Variants in ZBTB41 observed in about 807,000 individuals in gnomAD.
ZBTB41 encodes zinc finger and BTB domain-containing protein 41.
Under a neutral mutation model 87.6 loss-of-function variants are expected in ZBTB41, and 42 were observed. The observed-to-expected ratio is 0.48, with a 90% CI of 0.37 to 0.62. The LOEUF is 0.62. ZBTB41 is among the 20% of genes least tolerant of loss of function. The pLI, the probability that ZBTB41 is intolerant of heterozygous loss-of-function variation, is 0.00. For missense variants in ZBTB41, 799 were observed against 1,078.9 expected (o/e 0.74, Z 3.63); for synonymous variants, 364 against 364.0 (o/e 1.00, Z 0.00).
chr1:197,178,811 C>T (rs989274419), intron 6 of ZBTB41, among the ~76,000 whole-genome samples: 2 of 152,104 alleles, frequency 1.3e-5, no homozygotes, highest in Non-Finnish European at 1.5e-5. Flanking sequence ...CATTATGACA[C>T]TGAATTAAGT....
At chr1:197,177,059 G>GT in intron 7 of ZBTB41, among the ~76,000 whole-genome samples, 1 of 152,246 alleles carries the variant, frequency 6.6e-6, no homozygotes, top group Non-Finnish European at 1.5e-5. Flanking sequence ...GACAAATGAA[G>GT]TAAGTGTACA....
At chr1:197,160,087 A>C in intron 10 of ZBTB41, 73 bp from the exon 11 acceptor site, 1 of 1,211,760 alleles carries the variant, frequency 8.3e-7, no homozygotes, top group Non-Finnish European at 1.2e-6. Context: ...TTCAAGTAGC[A>C]AACTTCCAAT....
At chr1:197,194,029 T>C (rs967970792) in intron 2 of ZBTB41, among the ~76,000 whole-genome samples, 1 of 149,064 alleles carries the variant, frequency 6.7e-6, no homozygotes. Context: ...TCTTTCTTTC[T>C]TTTTTTTTTG....
intron 5 of ZBTB41, among the ~76,000 whole-genome samples, chr1:197,184,756 T>C (rs1659838997): frequency 6.6e-6 from 1 of 152,012 alleles, no homozygotes; most frequent in South Asian, 2.1e-4. Context: ...CTTAAAGACT[T>C]AATGACTAAA....
At chr1:197,164,598 C>T (rs189229514) in intron 10 of ZBTB41, among the ~76,000 whole-genome samples, 2 of 147,586 alleles carry the variant, frequency 1.4e-5, no homozygotes, top group East Asian at 3.9e-4. Flanking sequence ...AATCTTTATC[C>T]CATAATAAAG....
intron 4 of ZBTB41, among the ~76,000 whole-genome samples, chr1:197,189,291 C>T (rs1057042287): frequency 6.6e-5 from 10 of 152,132 alleles, no homozygotes; most frequent in African/African-American, 1.4e-4. Context: ...TTTGGGAGGC[C>T]GAGACGGGTA....
rs764316953 is a variant in ZBTB41, at chr1:197,199,601, A to G, written c.873T>C (p.Asp291=). The part of the protein sequence containing the change: ...NQENFDKEKS[D]RNDSEDPGSE... ...TTCCAGGGTCCTCAGAATCATTTCTATCTGACTTTTCCTTATCAAAATTTT... is the reference window on the plus strand; with the variant it reads ...TTCCAGGGTCCTCAGAATCATTTCTGTCTGACTTTTCCTTATCAAAATTTT... The change falls in exon 2 of 11, where the codon GAT becomes GAC. Residue 291 remains aspartate, a synonymous_variant. Coordinates refer to ENST00000367405, the MANE Select transcript of ZBTB41 (RefSeq NM_194314.3). 1 of 1,609,644 alleles carries G rather than the reference A, an allele frequency of 6.2e-7. No homozygotes were observed. The highest frequency in any genetic ancestry group is 8.5e-7 in the Non-Finnish European group (1 of 1,178,874).
chr1:197,194,509 T>C (rs759695186), intron 2 of ZBTB41, among the ~76,000 whole-genome samples: 2 of 151,714 alleles, frequency 1.3e-5, no homozygotes, highest in Non-Finnish European at 2.9e-5. Flanking sequence ...AAGTTACTTA[T>C]AGCTAAATAC....
rs1230800015 is a variant in ZBTB41 at position 197,199,608 on chromosome 1, T to G, written c.866A>C (p.Lys289Thr). The change falls in exon 2 of 11, where the codon AAG becomes ACG. Residue 289 changes from lysine to threonine, a missense_variant. This residue lies in a region of ZBTB41 where 294 missense variants were observed against 340.1 expected (regional missense o/e 0.86). Transcript: ENST00000367405. ...GTCCTCAGAATCATTTCTATCTGAC[T>G]TTTCCTTATCAAAATTTTCTTGATT... ...NLNQENFDKE[K>T]SDRNDSEDPG... 6.2e-7 allele frequency: 1 copy of G among 1,610,638 alleles called. No homozygotes were observed. Among genetic ancestry groups the G allele is most frequent in the Non-Finnish European group, 8.5e-7 (1 of 1,179,166 alleles).
chr1:197,186,190 T>A (rs976579235), intron 5 of ZBTB41, among the ~76,000 whole-genome samples: 4 of 151,772 alleles, frequency 2.6e-5, no homozygotes, highest in African/African-American at 9.7e-5. Flanking sequence ...TATGGTCAAC[T>A]AATCTTTCAC....
chr1:197,190,954 T>G (rs1660010930), intron 3 of ZBTB41, 123 bp from the exon 4 acceptor site: 1 of 578,638 alleles, frequency 1.7e-6, no homozygotes, highest in Non-Finnish European at 3.0e-6. Context: ...ATGAGACAAG[T>G]AGGCATAGAT....
intron 10 of ZBTB41, among the ~76,000 whole-genome samples, chr1:197,170,605 C>G (rs896359422): frequency 6.6e-6 from 1 of 152,082 alleles, no homozygotes; most frequent in African/African-American, 2.4e-5. Context: ...CTATAAATCT[C>G]AAAAATGGAC....
intron 8 of ZBTB41, among the ~76,000 whole-genome samples, chr1:197,175,529 C>T (rs1053047426): frequency 6.8e-6 from 1 of 147,606 alleles, no homozygotes. Flanking sequence ...AGGACCCAAA[C>T]ATTTTCAGAT....
chr1:197,176,888 T>G (rs1223629722), intron 7 of ZBTB41, among the ~76,000 whole-genome samples: 1 of 152,068 alleles, frequency 6.6e-6, no homozygotes, highest in African/African-American at 2.4e-5. Context: ...ATTTCAACAT[T>G]TGTATATGCT....
At chr1:197,164,657 C>G (rs1659272817) in intron 10 of ZBTB41, among the ~76,000 whole-genome samples, 1 of 141,898 alleles carries the variant, frequency 7.0e-6, no homozygotes, top group South Asian at 2.2e-4. Context: ...AAAGATATGA[C>G]TAATATATAT....
At chr1:197,193,597 T>C (rs1203040905) in intron 2 of ZBTB41, among the ~76,000 whole-genome samples, 3 of 152,168 alleles carry the variant, frequency 2.0e-5, no homozygotes, top group African/African-American at 7.2e-5. Flanking sequence ...TACACTTGGC[T>C]CTTTCCCCTT....
intron 6 of ZBTB41, 26 bp from the exon 7 acceptor site, chr1:197,178,538 AT>A (rs779554557): frequency 6.6e-7 from 1 of 1,523,034 alleles, no homozygotes; most frequent in Non-Finnish European, 9.0e-7. Context: ...TAGATTCGAG[AT>A]TTTTTAAATG....
chr1:197,167,719 CTAAA>C (rs1450995161), intron 10 of ZBTB41, among the ~76,000 whole-genome samples: 2 of 152,046 alleles, frequency 1.3e-5, no homozygotes, highest in Non-Finnish European at 2.9e-5. Context: ...GACAAAAACT[CTAAA>C]TAAACTAGGG....
chr1:197,194,293 C>G (rs1171733670), intron 2 of ZBTB41, among the ~76,000 whole-genome samples: 2 of 152,172 alleles, frequency 1.3e-5, no homozygotes, highest in African/African-American at 4.8e-5. Context: ...GCTGGGATTA[C>G]AGGCAGGAGC....
Sources: allele counts gnomAD v4.1 joint callset (sites outside exome capture counted in the v4.1 genomes callset), GRCh38; gene constraint gnomAD v4.1.1; regional missense constraint gnomAD v4.1.1; transcripts MANE v1.5; gene names NCBI Gene and HGNC (gene_info 2026-07-23, HGNC 2026-07-21).